The following SEC14L3 variants were observed in gnomAD, a reference collection of about 807,000 sequenced individuals.
SEC14L3 encodes SEC14-like protein 3.
SEC14L3 carries 56 observed loss-of-function variants against 57.4 expected under a neutral mutation model. The observed-to-expected ratio is 0.97, with a 90% CI of 0.79 to 1.22. The LOEUF (loss-of-function observed/expected upper bound fraction) is 1.22. Ranked by LOEUF, SEC14L3 falls within the 50% of genes most tolerant of loss-of-function variation. SEC14L3 has a pLI of 0.00. For missense variants in SEC14L3, 485 were observed against 511.7 expected, an observed-to-expected ratio of 0.95 and a Z score of 0.50; for synonymous variants, 173 against 194.4, an observed-to-expected ratio of 0.89 and a Z score of 0.92.
At chr22:30,462,245 G>T (rs940219581) in intron 8 of SEC14L3, 53 bp from the exon 9 acceptor site, 2 of 1,553,916 alleles carry the variant, frequency 1.3e-6, no homozygotes, top group African/African-American at 2.7e-5. Context: ...GCACCAATTA[G>T]CCTCCCACAC....
intron 2 of SEC14L3, 106 bp from the exon 3 acceptor site, chr22:30,470,361 C>A: frequency 1.3e-6 from 2 of 1,589,122 alleles, no homozygotes; most frequent in Non-Finnish European, 1.7e-6. Context: ...GACCTTGCTC[C>A]CCTACCCCCT....
At chr22:30,453,934 C>T (rs1480584897) in intron 12 of SEC14L3, among the ~76,000 whole-genome samples, 1 of 152,126 alleles carries the variant, frequency 6.6e-6, no homozygotes, top group Non-Finnish European at 1.5e-5. Context: ...TCTAGGGGGC[C>T]TAGGCACTAA....
At chr22:30,456,147 A>C (rs1935115074), downstream of SEC14L3, among the ~76,000 whole-genome samples, 1 of 151,982 alleles carries the variant, frequency 6.6e-6, no homozygotes. Flanking sequence ...AAAAATACAA[A>C]AATTAGCCAG....
Position 30,452,009 on chromosome 22 carries a change from AG to A in SEC14L3, c.905-2766del, listed in dbSNP as rs1337152782. Among the ~76,000 whole-genome samples the A allele has an allele frequency of 6.8e-3, 903 of 133,722 alleles. 141 individuals are homozygous for A. Among genetic ancestry groups the A allele is most frequent in the African/African-American group, 0.022 (739 of 34,094 alleles). The allele number at this position is 133,722 out of a possible 152,430, so 87.7% of individuals were successfully genotyped here. ...TCCATCTCAAAAAAAAAAAAAAAAA[AG>A]AAAAAAGAAAAGAAAAGAAAAGAAA... On this transcript the variant is annotated intron_variant, in intron 12 of 12. Coordinates refer to the SEC14L3 transcript ENST00000403066.
chr22:30,457,594 G>A (rs1057021546), downstream of SEC14L3, among the ~76,000 whole-genome samples: 1 of 151,800 alleles, frequency 6.6e-6, no homozygotes, highest in South Asian at 2.1e-4. Context: ...CATTGGCCAA[G>A]CTGGTCTCGA....
In SEC14L3 at chr22:30,460,147, G is replaced by T. The variant is rs958667456; in HGVS notation, c.1082-5C>A. On this transcript the variant is annotated splice_polypyrimidine_tract_variant and splice_region_variant and intron_variant, in intron 11 of 11. Transcript: ENST00000215812. Reference sequence around the variant, plus strand: ...TGTTGTCGAAGCGTAGGACATCTGGGGGACAGATGGAAAGAGGGGCATTGG... The same window carrying T: ...TGTTGTCGAAGCGTAGGACATCTGGTGGACAGATGGAAAGAGGGGCATTGG... 6.2e-7 allele frequency: 1 copy of T among 1,613,246 alleles called. No individual in the cohort carries two copies. Among genetic ancestry groups the T allele is most frequent in the Non-Finnish European group, 8.5e-7 (1 of 1,179,472 alleles).
intron 4 of SEC14L3, among the ~76,000 whole-genome samples, chr22:30,469,309 C>CA (rs1238817554): frequency 0.01 from 573 of 56,160 alleles, 4 homozygotes; most frequent in African/African-American, 0.038. Context: ...AGACCCCATC[C>CA]AAAAAAAAAA....
chr22:30,470,551 G>A lies in SEC14L3; in HGVS notation c.86C>T (p.Ala29Val). Residue 29 changes from alanine (A) to valine (V), a missense_variant, in exon 2 of 12, where the codon GCC becomes GTC. Physicochemically the swap from Ala to Val is moderately conservative, Grantham distance 64. Coordinates refer to ENST00000215812, the MANE Select transcript of SEC14L3 (RefSeq NM_174975.5). ...GAAATAATCATCAGGGTTGGGCAGG[G>A]CAGGAAGCACATCCTGGACGTTTTC... ...FRENVQDVLP[A>V]LPNPDDYFLL... The A allele has an allele frequency of 6.2e-7, 1 of 1,614,196 alleles. No individual in the cohort carries two copies. Among genetic ancestry groups the A allele is most frequent in the Non-Finnish European group, 8.5e-7 (1 of 1,180,032 alleles).
chr22:30,471,927 T>A lies in SEC14L3; in HGVS notation c.32A>T (p.Lys11Ile), dbSNP rs747920798. Reference sequence around the variant, plus strand: ...CACCTTGGCCAGGGTCTCTGCCTGTTTGGGGCTCAGGTCTCCAACTCGGCC... The same window carrying A: ...CACCTTGGCCAGGGTCTCTGCCTGTATGGGGCTCAGGTCTCCAACTCGGCC... MSGRVGDLSP[K>I]QAETLAKFRE... is the part of the protein sequence containing the mutation. The change falls in exon 1 of 12, where the codon AAA becomes ATA. Residue 11 changes from lysine to isoleucine, a missense_variant. Physicochemically the swap from Lys to Ile is moderately radical, Grantham distance 102. Transcript: ENST00000215812. 3.7e-6 allele frequency: 6 copies of A among 1,611,990 alleles called. No individual in the cohort carries two copies. Among genetic ancestry groups the A allele is most frequent in the African/African-American group, 2.7e-5 (2 of 74,716 alleles).
chr22:30,471,144 G>T (rs1218868278), intron 1 of SEC14L3: 1 of 354,450 alleles, frequency 2.8e-6, no homozygotes, highest in South Asian at 2.1e-5. Flanking sequence ...AATTAGCCAG[G>T]TGTGGTGGCA....
Position 30,470,236 on chromosome 22 carries a change from C to T in SEC14L3, c.150G>A (p.Gln50=), listed in dbSNP as rs1935560538. Residue 50 remains glutamine (Q), a synonymous_variant, in exon 3 of 12, where the codon CAG becomes CAA. Coordinates refer to ENST00000215812, the MANE Select transcript of SEC14L3 (RefSeq NM_174975.5). ...RWLRARNFDL[Q]KSEALLRKYM... is the part of the protein sequence containing the mutation. The stretch of plus-strand genomic sequence containing the variant: ...CCTTGCGGAGCAAAGCCTCCGACTT[C>T]TGCAAGTCAAAATTCCGAGCTGTGG... The T allele has an allele frequency of 6.2e-7, 1 of 1,613,846 alleles. No homozygotes were observed. The highest frequency in any genetic ancestry group is 8.5e-7 in the Non-Finnish European group (1 of 1,179,924).
At chr22:30,449,684 C>T (rs549179782) in intron 12 of SEC14L3, among the ~76,000 whole-genome samples, 9 of 152,124 alleles carry the variant, frequency 5.9e-5, no homozygotes, top group African/African-American at 2.2e-4. Context: ...CCTGTCTCAA[C>T]CTCCCGAGTA....
intron 11 of SEC14L3, 98 bp downstream of exon 11, chr22:30,461,212 T>C (rs1935244576): frequency 7.1e-7 from 1 of 1,409,018 alleles, no homozygotes; most frequent in South Asian, 1.4e-5. Context: ...TGTCCCTGAA[T>C]GGGGGAGGTG....
chr22:30,455,237 T>A (rs5997652), downstream of SEC14L3, among the ~76,000 whole-genome samples: 33,200 of 121,900 alleles, frequency 0.27, 4,917 homozygotes, highest in East Asian at 0.31. Flanking sequence ...TATATAATAT[T>A]TAATATATTA....
Position 30,464,899 on chromosome 22 carries a change from G to A in SEC14L3, c.585C>T (p.Thr195=). 1 of 1,613,712 alleles carries A rather than the reference G, an allele frequency of 6.2e-7. No homozygotes were observed. The highest frequency in any genetic ancestry group is 1.3e-5 in the African/African-American group (1 of 75,020). Residue 195 remains threonine (T), a synonymous_variant, in exon 8 of 12, where the codon ACC becomes ACT. Coordinates refer to ENST00000215812, the MANE Select transcript of SEC14L3 (RefSeq NM_174975.5). ...TLKFMLIVKA[T]KLFPVGYNLM... ...GGTTGTAGCCCACAGGGAACAGTTT[G>A]GTAGCTGGAGAGATAGAAGTAAGGA...
At position 30,470,537 on chromosome 22, in the gene SEC14L3, C is replaced by A. The variant is rs771111250; in HGVS notation, c.100G>T (p.Asp34Tyr). The A allele has an allele frequency of 4.3e-6, 7 of 1,614,186 alleles. No homozygotes were observed. Among genetic ancestry groups the A allele is most frequent in the Admixed American group, 3.3e-5 (2 of 60,018 alleles). The change falls in exon 2 of 12, where the codon GAT becomes TAT. Residue 34 changes from aspartate (D) to tyrosine (Y), a missense_variant. Physicochemically the swap from Asp to Tyr is radical, Grantham distance 160 (BLOSUM62 -3). Coordinates refer to ENST00000215812, the MANE Select transcript of SEC14L3 (RefSeq NM_174975.5). ...AGCCAGCGTAGAAGGAAATAATCAT[C>A]AGGGTTGGGCAGGGCAGGAAGCACA... ...QDVLPALPNP[D>Y]DYFLLRWLRA...
chr22:30,454,555 TATAATAATATTATATATAATCTATA>T (rs1935049327), downstream of SEC14L3, among the ~76,000 whole-genome samples: 3 of 39,864 alleles, frequency 7.5e-5, no homozygotes, highest in African/African-American at 6.9e-4. Context: ...ATATATAATC[TATAATAATATTATATATAATCTATA>T]ATAATATTAT....
At chr22:30,462,059 C>T in intron 9 of SEC14L3, 27 bp downstream of exon 9, 5 of 1,609,996 alleles carry the variant, frequency 3.1e-6, no homozygotes, top group Non-Finnish European at 4.2e-6. Context: ...TTGAACCTCT[C>T]TTGTCCCAGG....
rs1935189640 is a variant in SEC14L3 at position 30,459,668 on chromosome 22, CA to C, written c.*352del. ...AAAGGATTTAGATATGTCTCCAACC[CA>C]AGTTGCTCACAGCCATACGGAAGGA... On this transcript the variant is annotated 3_prime_UTR_variant, in exon 12 of 12. Coordinates refer to ENST00000215812, the MANE Select transcript of SEC14L3 (RefSeq NM_174975.5). 9.8e-7 allele frequency: 1 copy of C among 1,016,992 alleles called. No homozygotes were observed. The highest frequency in any genetic ancestry group is 5.1e-5 in the Admixed American group (1 of 19,752). 63.0% of individuals were successfully genotyped at this position (1,016,992 alleles called of 1,614,324 possible). A position where few individuals can be genotyped will look rare whatever the true frequency, so the allele number is the denominator to read the frequency against.
Sources: allele counts gnomAD v4.1 joint callset (sites outside exome capture counted in the v4.1 genomes callset), GRCh38; gene constraint gnomAD v4.1.1; transcripts MANE v1.5; gene names NCBI Gene and HGNC (gene_info 2026-07-23, HGNC 2026-07-21).